The following SLC1A7 variants were observed in gnomAD, a reference collection of about 807,000 sequenced individuals.
SLC1A7 encodes the protein excitatory amino acid transporter 5.
A neutral mutation model predicts 47.7 loss-of-function variants in SLC1A7; 40 were observed. The ratio of observed to expected loss-of-function variants is 0.84; its 90% CI spans 0.65 to 1.09. The LOEUF (loss-of-function observed/expected upper bound fraction) is 1.09, where lower values mean the gene tolerates loss of function less well. Ranked by LOEUF, SLC1A7 falls within the 50% of genes least tolerant of loss-of-function variation. The pLI, the probability that SLC1A7 is intolerant of heterozygous loss-of-function variation, is 0.00. For synonymous variants in SLC1A7, 323 were observed against 325.6 expected, an observed-to-expected ratio of 0.99 and a Z score of 0.09; for missense variants, 746 against 769.5, an observed-to-expected ratio of 0.97 and a Z score of 0.36.
In SLC1A7 at chr1:53,114,864, A is replaced by T. The variant is rs561550741; in HGVS notation, c.325T>A (p.Phe109Ile). The change falls in exon 3 of 11, where the codon TTC becomes ATC. Residue 109 changes from phenylalanine to isoleucine, a missense_variant. By Grantham distance (21) the Phe-to-Ile change is conservative. Coordinates refer to ENST00000371494, the MANE Select transcript of SLC1A7 (RefSeq NM_006671.6). ...CCTGGGTGGATGATGGAGACCATGA[A>T]GATGCCCACGATGACAGCCATGAAG... Reference protein sequence around the residue: ...TTFMAVIVGIFMVSIIHPGSA... With the variant: ...TTFMAVIVGIIMVSIIHPGSA... 6.2e-7 allele frequency: 1 copy of T among 1,614,202 alleles called. No homozygotes were observed. The highest frequency in any genetic ancestry group is 2.2e-5 in the East Asian group (1 of 44,872).
chr1:53,129,423 A>AC (rs1644916116), intron 2 of SLC1A7, among the ~76,000 whole-genome samples: 1 of 151,048 alleles, frequency 6.6e-6, no homozygotes, highest in Admixed American at 6.6e-5. Context: ...GATTTCAACC[A>AC]CCCCCGCCCA....
At chr1:53,141,056 C>T (rs537652269) in intron 1 of SLC1A7, among the ~76,000 whole-genome samples, 1 of 152,192 alleles carries the variant, frequency 6.6e-6, no homozygotes, top group Non-Finnish European at 1.5e-5. Flanking sequence ...ATTGACAAAG[C>T]CTCTCTCCTT....
intron 10 of SLC1A7, 66 bp from the exon 11 acceptor site, chr1:53,088,293 A>T: frequency 7.5e-7 from 1 of 1,333,698 alleles, no homozygotes; most frequent in Non-Finnish European, 1.0e-6. Flanking sequence ...GGGAGGACTG[A>T]GGGCCAGTGG....
chr1:53,092,360 A>G (rs1258225046), intron 7 of SLC1A7, among the ~76,000 whole-genome samples, 194 bp downstream of exon 7: 2 of 152,232 alleles, frequency 1.3e-5, no homozygotes, highest in African/African-American at 4.8e-5. Flanking sequence ...CCGTGGGGGA[A>G]GGAGAGGCCT....
chr1:53,133,027 C>A (rs559623465), intron 2 of SLC1A7, among the ~76,000 whole-genome samples: 12 of 152,198 alleles, frequency 7.9e-5, no homozygotes, highest in African/African-American at 2.9e-4. Context: ...AGAAGCTGAA[C>A]ATTTGGAGGT....
intron 2 of SLC1A7, among the ~76,000 whole-genome samples, chr1:53,125,344 G>A (rs1042660125): frequency 6.6e-6 from 1 of 152,244 alleles, no homozygotes; most frequent in Admixed American, 6.5e-5. Flanking sequence ...TGAGAAGGCA[G>A]CACTGTCAGG....
Position 53,090,686 on chromosome 1 carries a change from G to T in SLC1A7, c.1152C>A (p.Tyr384Ter). The T allele has an allele frequency of 1.2e-6, 2 of 1,613,956 alleles. No individual in the cohort carries two copies. Among genetic ancestry groups the T allele is most frequent in the Admixed American group, 1.7e-5 (1 of 60,028 alleles). ...ATINMDGTAL[Y>*]EAVAAIFIAQ... The stretch of plus-strand genomic sequence containing the variant: ...CGATGAAGATGGCGGCCACAGCCTC[G>T]TAGAGCGCAGTGCCGTCCATGTTGA... The change falls in exon 8 of 11, where the codon TAC (tyrosine) becomes TAA (stop). Residue 384 changes from tyrosine (Y) to a stop codon, truncating the protein, a stop_gained. Transcript: ENST00000371494. LOFTEE classifies it high-confidence loss of function.
At chr1:53,120,367 A>G (rs534223580) in intron 2 of SLC1A7, among the ~76,000 whole-genome samples, 7 of 152,218 alleles carry the variant, frequency 4.6e-5, no homozygotes, top group Non-Finnish European at 1.0e-4. Flanking sequence ...GCACCTCCCT[A>G]CAGAGAGAGC....
intron 7 of SLC1A7, 81 bp from the exon 8 acceptor site, chr1:53,090,887 C>T: frequency 6.4e-7 from 1 of 1,551,030 alleles, no homozygotes; most frequent in Non-Finnish European, 8.7e-7. Context: ...CACCCCTCCC[C>T]AGGCAGCCAC....
intron 3 of SLC1A7, among the ~76,000 whole-genome samples, chr1:53,110,430 A>G (rs577455285): frequency 2.0e-5 from 3 of 149,814 alleles, no homozygotes; most frequent in South Asian, 4.5e-4. Flanking sequence ...CTCTGGGTTG[A>G]GAGCGGGTGG....
chr1:53,096,071 TCA>T lies in SLC1A7; in HGVS notation c.698-2513_698-2512del, dbSNP rs1346957380. 4.2e-5 allele frequency among the ~76,000 whole-genome samples: 6 copies of T among 143,192 alleles called. No homozygotes were observed. In the East Asian group the frequency reaches 6.5e-4, roughly 15 times the overall value. The allele number at this position is 143,192 out of a possible 152,430, so 93.9% of individuals were successfully genotyped here. A position where few individuals can be genotyped will look rare whatever the true frequency, so the allele number is the denominator to read the frequency against. On this transcript the variant is annotated intron_variant, in intron 5 of 10. Transcript: ENST00000371494. ...GGTACACTCAACTGCCTCAGTACACTCACACTGCCTTGGTATGCTCACACCCC... is the reference window on the plus strand; with the variant it reads ...GGTACACTCAACTGCCTCAGTACACTCACTGCCTTGGTATGCTCACACCCC...
At chr1:53,139,919 A>G (rs1436004206) in intron 1 of SLC1A7, among the ~76,000 whole-genome samples, 4 of 152,216 alleles carry the variant, frequency 2.6e-5, no homozygotes, top group African/African-American at 9.6e-5. Context: ...CAAAATGCTC[A>G]GTATTTTTAA....
At chr1:53,131,338 A>G (rs951198033) in intron 2 of SLC1A7, among the ~76,000 whole-genome samples, 3 of 152,124 alleles carry the variant, frequency 2.0e-5, no homozygotes, top group African/African-American at 7.2e-5. Context: ...TTTTGTTTTG[A>G]GTGACTTGTC....
In SLC1A7 at chr1:53,101,853, C is replaced by T. The variant is rs567049852; in HGVS notation, c.697+1493G>A. Among the ~76,000 whole-genome samples, 191 of 145,758 alleles carry T rather than the reference C, an allele frequency of 1.3e-3. 1 individual carries two copies. Among genetic ancestry groups the T allele is most frequent in the African/African-American group, 4.3e-3 (168 of 39,196 alleles). ...CACACGCACACTCAGTACACTCACA[C>T]GCCCGCCTCGGTACACTCACACTCT... On this transcript the variant is annotated intron_variant, in intron 5 of 10. Transcript: ENST00000371494.
Position 53,087,324 on chromosome 1 carries a change from G to A in SLC1A7, c.*685C>T, listed in dbSNP as rs1157308857. Reference sequence around the variant, plus strand: ...ATCGGCAGCTCCACCAGAGCATCCTGGCTGCACCTCCTTCCCGGAGTCCTG... The same window carrying A: ...ATCGGCAGCTCCACCAGAGCATCCTAGCTGCACCTCCTTCCCGGAGTCCTG... On this transcript the variant is annotated 3_prime_UTR_variant, in exon 11 of 11. Coordinates refer to ENST00000371494, the MANE Select transcript of SLC1A7 (RefSeq NM_006671.6). 1.3e-5 allele frequency: 2 copies of A among 152,254 alleles called. No individual in the cohort carries two copies. Among genetic ancestry groups the A allele is most frequent in the Non-Finnish European group, 2.9e-5 (2 of 68,048 alleles). 9.4% of individuals were successfully genotyped at this position (152,254 alleles called of 1,614,324 possible). A position where few individuals can be genotyped will look rare whatever the true frequency, so the allele number is the denominator to read the frequency against.
chr1:53,136,627 T>C (rs1645000768), intron 1 of SLC1A7, among the ~76,000 whole-genome samples: 3 of 124,328 alleles, frequency 2.4e-5, no homozygotes, highest in Admixed American at 8.5e-5. Context: ...TATAAACATA[T>C]ATAATATATA....
At chr1:53,094,629 T>C (rs3766767) in intron 5 of SLC1A7, among the ~76,000 whole-genome samples, 98,346 of 152,182 alleles carry the variant, frequency 0.65, 33,491 homozygotes, top group Non-Finnish European at 0.77. Context: ...CCTGCCAGGG[T>C]GGGTAGGAGA....
chr1:53,088,968 C>T lies in SLC1A7; in HGVS notation c.1373G>A (p.Arg458His), dbSNP rs150116796. The T allele has an allele frequency of 3.7e-5, 59 of 1,613,922 alleles. No individual in the cohort carries two copies. In the Middle Eastern group the frequency reaches 4.9e-4, roughly 14 times the overall value. Residue 458 changes from arginine (R) to histidine (H), a missense_variant, in exon 10 of 11, where the codon CGC becomes CAC. By Grantham distance (29) the Arg-to-His change is conservative. Transcript: ENST00000371494. The stretch of plus-strand genomic sequence containing the variant: ...ATCACCCAGCACGTTAATCATGGTG[C>T]GGAAACGGTCCCTGGTGAGCCAAGG... The part of the protein sequence containing the change: ...IAVDWALDRF[R>H]TMINVLGDAL...
At chr1:53,137,121 T>C in intron 1 of SLC1A7, among the ~76,000 whole-genome samples, 1 of 152,022 alleles carries the variant, frequency 6.6e-6, no homozygotes, top group East Asian at 1.9e-4. Flanking sequence ...ACCCCATCTC[T>C]ACTAAAAATA....
Sources: allele counts gnomAD v4.1 joint callset (sites outside exome capture counted in the v4.1 genomes callset), GRCh38; gene constraint gnomAD v4.1.1; transcripts MANE v1.5; gene names NCBI Gene and HGNC (gene_info 2026-07-23, HGNC 2026-07-21).